The following KAZN variants were observed in gnomAD, a reference collection of about 807,000 sequenced individuals.
KAZN encodes the protein kazrin.
KAZN carries 40 observed loss-of-function variants against 87.4 expected under a neutral mutation model. That is an observed-to-expected ratio of 0.46 (90% confidence interval 0.36 to 0.60). The LOEUF (loss-of-function observed/expected upper bound fraction) is 0.60, where lower values mean the gene tolerates loss of function less well. KAZN is among the 20% of genes least tolerant of loss of function. The pLI, the probability that KAZN is intolerant of heterozygous loss-of-function variation, is 0.00. For synonymous variants in KAZN, 466 were observed against 458.3 expected, an observed-to-expected ratio of 1.02 and a Z score of -0.22; for missense variants, 898 against 1,073.9, an observed-to-expected ratio of 0.84 and a Z score of 2.29.
rs188629624 is a variant in KAZN at position 14,487,073 on chromosome 1, G to A, written c.250-111910G>A. ...TAAATCAGTGCTAACAGCTACAGTGGTGAGTTCTTTCCTGGCACGTTAGGA... is the reference window on the plus strand; with the variant it reads ...TAAATCAGTGCTAACAGCTACAGTGATGAGTTCTTTCCTGGCACGTTAGGA... On this transcript the variant is annotated intron_variant, in intron 2 of 16. Coordinates refer to the KAZN transcript ENST00000636203. 2.7e-3 allele frequency among the ~76,000 whole-genome samples: 406 copies of A among 152,290 alleles called. 1 individual carries two copies. Among genetic ancestry groups the A allele is most frequent in the Non-Finnish European group, 3.7e-3 (249 of 68,030 alleles).
chr1:14,997,204 CATTTATTTATTTATTT>C lies in KAZN; in HGVS notation c.418+36366_418+36381del, dbSNP rs35436643. On this transcript the variant is annotated intron_variant, in intron 2 of 14. Transcript: ENST00000376030. ...TCTGTTTTCTTTTCTTTCTTTCTTT[CATTTATTTATTTATTT>C]ATTTATTTATTTATTTATTTATTTA... is the stretch of plus-strand genomic sequence containing the variant. Among the ~76,000 whole-genome samples the C allele has an allele frequency of 9.8e-4, 118 of 120,886 alleles. 1 individual carries two copies. Among genetic ancestry groups the C allele is most frequent in the South Asian group, 3.1e-3 (10 of 3,230 alleles). The allele number at this position is 120,886 out of a possible 152,430, so 79.3% of individuals were successfully genotyped here.
chr1:14,994,847 G>A (rs1250941774), intron 2 of KAZN, among the ~76,000 whole-genome samples: 1 of 152,242 alleles, frequency 6.6e-6, no homozygotes, highest in Non-Finnish European at 1.5e-5. Context: ...ATTGACTGAT[G>A]TCACTTCAGC....
At chr1:14,716,584 T>A (rs1642808741) in intron 1 of KAZN, among the ~76,000 whole-genome samples, 1 of 152,154 alleles carries the variant, frequency 6.6e-6, no homozygotes, top group East Asian at 1.9e-4. Context: ...AGCTGCTAGA[T>A]GAATTCTCTG....
chr1:14,205,178 C>T (rs530586511), intron 2 of KAZN, among the ~76,000 whole-genome samples: 1 of 152,264 alleles, frequency 6.6e-6, no homozygotes, highest in South Asian at 2.1e-4. Flanking sequence ...TTCACTGGTA[C>T]TTTAAGTCTC....
chr1:14,173,861 C>A (rs1646010550), intron 1 of KAZN, among the ~76,000 whole-genome samples: 1 of 152,072 alleles, frequency 6.6e-6, no homozygotes, highest in Non-Finnish European at 1.5e-5. Context: ...GGAATCAGCC[C>A]TAAATAAACC....
At chr1:14,149,102 TCC>T (rs3033856) in intron 1 of KAZN, among the ~76,000 whole-genome samples, 28,495 of 89,910 alleles carry the variant, frequency 0.32, 5,036 homozygotes, top group Non-Finnish European at 0.34. Flanking sequence ...TTTCTTTCTT[TCC>T]TTTTTTTTTT....
rs375468999 is a variant in KAZN, at chr1:14,176,643, C to A, written c.92-3792C>A. On this transcript the variant is annotated intron_variant, in intron 1 of 16. Transcript: ENST00000636203. ...GAAAGGATTGTGGAGTCTTCCCATG[C>A]AACGAGGCACAGCTCTGATGTCATA... Among the ~76,000 whole-genome samples, 175 of 152,304 alleles carry A rather than the reference C, an allele frequency of 1.1e-3. 1 individual carries two copies. The highest frequency in any genetic ancestry group is 6.8e-3 in the Middle Eastern group (2 of 294).
At chr1:15,103,935 G>A in intron 12 of KAZN, 88 bp from the exon 13 acceptor site, 2 of 1,343,110 alleles carry the variant, frequency 1.5e-6, no homozygotes, top group Admixed American at 4.6e-5. Context: ...CCTTGCTGTT[G>A]GGGACAGAGC....
intron 1 of KAZN, among the ~76,000 whole-genome samples, chr1:14,628,666 A>G (rs1479241371): frequency 6.6e-6 from 1 of 152,154 alleles, no homozygotes; most frequent in African/African-American, 2.4e-5. Context: ...GAATGATTTC[A>G]TTTTATCTTT....
chr1:14,728,720 C>T (rs999351561), intron 1 of KAZN, among the ~76,000 whole-genome samples: 54 of 152,300 alleles, frequency 3.5e-4, no homozygotes, highest in African/African-American at 1.2e-3. Context: ...ACAGCAGCCT[C>T]GCCTTACACT....
chr1:14,071,904 A>G (rs1485878240), intron 1 of KAZN, among the ~76,000 whole-genome samples: 1 of 152,122 alleles, frequency 6.6e-6, no homozygotes, highest in Non-Finnish European at 1.5e-5. Context: ...CCCAACTACA[A>G]GGCTTGGAGA....
At chr1:13,958,366 A>G (rs1029095643) in intron 1 of KAZN, among the ~76,000 whole-genome samples, 4 of 151,916 alleles carry the variant, frequency 2.6e-5, no homozygotes, top group African/African-American at 7.2e-5. Flanking sequence ...GTCAGAGGAT[A>G]GAGACCATCC....
chr1:13,894,000 G>A (rs974421601), intron 1 of KAZN, among the ~76,000 whole-genome samples: 11 of 152,158 alleles, frequency 7.2e-5, no homozygotes, highest in Admixed American at 2.0e-4. Flanking sequence ...ATGAGTGAGG[G>A]GCCTTGTTTG....
rs60081619 is a variant in KAZN, at chr1:14,665,932, C to CAAAAAA, written c.226+66725_226+66730dup. On this transcript the variant is annotated intron_variant, in intron 1 of 14. Transcript: ENST00000376030. ...GGCTACAAGAAGGAGAAGCTTTGCT[C>CAAAAAA]AAAAAAAAAAAAAAAAAAAAATAAC... Among the ~76,000 whole-genome samples the CAAAAAA allele has an allele frequency of 6.8e-4, 73 of 107,986 alleles. 1 individual carries two copies. Among genetic ancestry groups the CAAAAAA allele is most frequent in the East Asian group, 1.8e-3 (7 of 3,824 alleles). The allele number at this position is 107,986 out of a possible 152,430, so 70.8% of individuals were successfully genotyped here.
chr1:14,241,407 C>CCT (rs142945510), intron 2 of KAZN, among the ~76,000 whole-genome samples: 3 of 151,920 alleles, frequency 2.0e-5, no homozygotes, highest in African/African-American at 4.8e-5. Context: ...AAAAGAGTCT[C>CCT]CTCTCTCTCT....
chr1:14,278,657 T>C (rs1022110752), intron 2 of KAZN, among the ~76,000 whole-genome samples: 1 of 152,326 alleles, frequency 6.6e-6, no homozygotes, highest in African/African-American at 2.4e-5. Flanking sequence ...TCATTTTTTA[T>C]CTGTTGATTG....
intron 2 of KAZN, among the ~76,000 whole-genome samples, chr1:15,001,444 C>T (rs986429108): frequency 8.0e-5 from 12 of 150,630 alleles, no homozygotes; most frequent in African/African-American, 2.4e-4. Flanking sequence ...TCAACCTGGG[C>T]GACCGAGCGA....
intron 1 of KAZN, among the ~76,000 whole-genome samples, chr1:14,935,178 A>T (rs1160940673): frequency 6.6e-6 from 1 of 152,180 alleles, no homozygotes; most frequent in Non-Finnish European, 1.5e-5. Context: ...GCAGTCACGG[A>T]TGCCTCCCCT....
chr1:14,388,899 A>G (rs1224429736), intron 2 of KAZN, among the ~76,000 whole-genome samples: 2 of 152,222 alleles, frequency 1.3e-5, no homozygotes, highest in Non-Finnish European at 2.9e-5. Context: ...AACAATCAAC[A>G]AAGTGAATAG....
Sources: gnomAD v4.1 joint callset for allele counts (sites outside exome capture counted in the v4.1 genomes callset) on GRCh38, gnomAD v4.1.1 for gene constraint, MANE v1.5 for transcripts, NCBI Gene and HGNC (gene_info 2026-07-23, HGNC 2026-07-21) for gene names.